The following ICE2 variants were observed in gnomAD, a reference collection of about 807,000 sequenced individuals.
The protein encoded by ICE2 is little elongation complex subunit 2.
Under a neutral mutation model 105.4 loss-of-function variants are expected in ICE2, and 87 were observed. That is an observed-to-expected ratio of 0.83 (90% confidence interval 0.69 to 0.99). The LOEUF (loss-of-function observed/expected upper bound fraction) is 0.99. ICE2 is among the 50% of genes least tolerant of loss of function. The pLI, the probability that ICE2 is intolerant of heterozygous loss-of-function variation, is 0.00. For missense variants in ICE2, 1,323 were observed against 1,146.7 expected (o/e 1.15, Z -2.22); for synonymous variants, 399 against 392.0 (o/e 1.02, Z -0.21).
intron 14 of ICE2, 26 bp from the exon 15 acceptor site, chr15:60,428,713 C>A: frequency 6.2e-7 from 1 of 1,603,260 alleles, no homozygotes; most frequent in Non-Finnish European, 8.5e-7. Context: ...GAAACTCAAC[C>A]CACTGGCTCA....
intron 5 of ICE2, among the ~76,000 whole-genome samples, chr15:60,462,520 A>T (rs1188997883): frequency 6.6e-6 from 1 of 152,192 alleles, no homozygotes; most frequent in Non-Finnish European, 1.5e-5. Context: ...GTACAAAATA[A>T]ATATATACAA....
intron 3 of ICE2, among the ~76,000 whole-genome samples, chr15:60,469,177 C>T (rs1440501965): frequency 1.3e-5 from 2 of 152,156 alleles, no homozygotes; most frequent in African/African-American, 4.8e-5. Context: ...GGCCATTATC[C>T]TCAGCAAACT....
intron 5 of ICE2, among the ~76,000 whole-genome samples, chr15:60,464,561 T>C (rs545712446): frequency 2.0e-5 from 3 of 151,286 alleles, no homozygotes; most frequent in African/African-American, 7.3e-5. Context: ...TTGAGAAAAA[T>C]AGAAACCCCA....
In ICE2 at chr15:60,419,613, T is replaced by A. The variant is rs115068908; in HGVS notation, c.*4021A>T. On this transcript the variant is annotated 3_prime_UTR_variant, in exon 16 of 16. Transcript: ENST00000261520. ...AGGGGACATGGCAACAGTAGATGGA[T>A]AAATGAAATGGATCCCCTTTATTTC... 3.8e-4 allele frequency: 58 copies of A among 152,354 alleles called. No individual in the cohort carries two copies. The highest frequency in any genetic ancestry group is 1.3e-3 in the African/African-American group (56 of 41,586). 9.4% of individuals were successfully genotyped at this position (152,354 alleles called of 1,614,324 possible). A position where few individuals can be genotyped will look rare whatever the true frequency, so the allele number is the denominator to read the frequency against.
chr15:60,467,376 C>T (rs1469412761), intron 4 of ICE2, among the ~76,000 whole-genome samples: 1 of 152,140 alleles, frequency 6.6e-6, no homozygotes, highest in Admixed American at 6.5e-5. Context: ...AAAATGCTTA[C>T]TGTCATTAGT....
chr15:60,476,083 T>C lies in ICE2; in HGVS notation c.126A>G (p.Glu42=), dbSNP rs754080831. 2 of 1,601,240 alleles carry C rather than the reference T, an allele frequency of 1.2e-6. No homozygotes were observed. The highest frequency in any genetic ancestry group is 1.1e-5 in the South Asian group (1 of 88,886). ...KDHSMAPSLK[E]LRVLSNRRIG... Reference sequence around the variant, plus strand: ...ATTACCTGTTGGATAAAACACGTAGTTCTTTTAAACTTGGAGCCATGGAAT... The same window carrying C: ...ATTACCTGTTGGATAAAACACGTAGCTCTTTTAAACTTGGAGCCATGGAAT... Residue 42 remains glutamate, a synonymous_variant, in exon 3 of 16, where the codon GAA becomes GAG. Coordinates refer to ENST00000261520, the MANE Select transcript of ICE2 (RefSeq NM_024611.6).
At chr15:60,431,830 A>G in intron 14 of ICE2, 104 bp downstream of exon 14, 7 of 608,830 alleles carry the variant, frequency 1.1e-5, no homozygotes, top group Non-Finnish European at 1.7e-5. Flanking sequence ...TTGCATTTCT[A>G]GGTTATTTTG....
intron 2 of ICE2, among the ~76,000 whole-genome samples, chr15:60,476,703 C>G (rs1439797929): frequency 6.6e-6 from 1 of 152,080 alleles, no homozygotes; most frequent in Admixed American, 6.6e-5. Flanking sequence ...TTTCATAACA[C>G]CATAATTAAT....
chr15:60,453,019 T>C, intron 9 of ICE2: 1 of 924,786 alleles, frequency 1.1e-6, no homozygotes, highest in Non-Finnish European at 1.3e-6. Flanking sequence ...TCACCTGAAG[T>C]CAGAAGTTTG....
intron 5 of ICE2, among the ~76,000 whole-genome samples, chr15:60,460,595 C>T (rs888932475): frequency 6.6e-6 from 1 of 152,174 alleles, no homozygotes; most frequent in Non-Finnish European, 1.5e-5. Context: ...AGTTTCTCAA[C>T]GTTGGCATTA....
intron 14 of ICE2, among the ~76,000 whole-genome samples, chr15:60,430,838 A>T (rs2063440763): frequency 1.3e-5 from 2 of 152,222 alleles, no homozygotes; most frequent in South Asian, 4.1e-4. Context: ...CCATATCCTA[A>T]GACTTGCCAT....
Position 60,454,985 on chromosome 15 carries a change from A to G in ICE2, c.943+18T>C, listed in dbSNP as rs2064064022. On this transcript the variant is annotated intron_variant, in intron 8 of 15. Transcript: ENST00000261520. ...TTCTCTTTTTTGAGAGCATTATTTG[A>G]CATAGCAAATTACAAACCTGCAACA... 2 of 1,528,826 alleles carry G rather than the reference A, an allele frequency of 1.3e-6. No individual in the cohort carries two copies. Among genetic ancestry groups the G allele is most frequent in the Admixed American group, 2.4e-5 (1 of 42,144 alleles). 94.7% of individuals were successfully genotyped at this position (1,528,826 alleles called of 1,614,324 possible). A position where few individuals can be genotyped will look rare whatever the true frequency, so the allele number is the denominator to read the frequency against.
At chr15:60,439,183 A>G (rs2063663656) in intron 12 of ICE2, 1 of 152,304 alleles carries the variant, frequency 6.6e-6, no homozygotes, top group South Asian at 2.1e-4. Context: ...TTACCTTTAA[A>G]ATTTTTATCA....
intron 3 of ICE2, among the ~76,000 whole-genome samples, chr15:60,469,456 C>A (rs2064523962): frequency 6.6e-6 from 1 of 151,706 alleles, no homozygotes; most frequent in Non-Finnish European, 1.5e-5. Context: ...TAAAAAAAAA[C>A]AAAAAACAAA....
At chr15:60,461,779 T>C (rs901839630) in intron 5 of ICE2, among the ~76,000 whole-genome samples, 3 of 152,176 alleles carry the variant, frequency 2.0e-5, no homozygotes, top group Non-Finnish European at 2.9e-5. Flanking sequence ...GGAGCATCCA[T>C]AGTGCCCAGA....
intron 12 of ICE2, chr15:60,441,456 G>A (rs2063718784): frequency 6.6e-6 from 1 of 152,152 alleles, no homozygotes; most frequent in South Asian, 2.1e-4. Context: ...ATCAAGCTAT[G>A]CAGTATAACA....
chr15:60,459,812 C>G (rs2064224173), intron 5 of ICE2, among the ~76,000 whole-genome samples: 1 of 151,756 alleles, frequency 6.6e-6, no homozygotes, highest in Non-Finnish European at 1.5e-5. Flanking sequence ...ACTAAGAGAA[C>G]AGAAAGTCGA....
chr15:60,423,522 G>T lies in ICE2; in HGVS notation c.*112C>A. 2 of 965,442 alleles carry T rather than the reference G, an allele frequency of 2.1e-6. No individual in the cohort carries two copies. Among genetic ancestry groups the T allele is most frequent in the Non-Finnish European group, 3.0e-6 (2 of 675,884 alleles). The allele number at this position is 965,442 out of a possible 1,614,324, so 59.8% of individuals were successfully genotyped here. A position where few individuals can be genotyped will look rare whatever the true frequency, so the allele number is the denominator to read the frequency against. The stretch of plus-strand genomic sequence containing the variant: ...CAACACATTTTTTCAAGGCACTCTA[G>T]CTACTACAGGAAAAATGTTCCTCTT... On this transcript the variant is annotated 3_prime_UTR_variant, in exon 16 of 16. Transcript: ENST00000261520.
chr15:60,448,013 A>G lies in ICE2; in HGVS notation c.2252T>C (p.Ile751Thr). The G allele has an allele frequency of 1.2e-6, 2 of 1,613,054 alleles. No homozygotes were observed. The highest frequency in any genetic ancestry group is 1.7e-6 in the Non-Finnish European group (2 of 1,179,706). ...LLLVRCSVQR[I>T]ETRPRSKKRK... ...TTTTTTAGAACGTGGTCTTGTCTCTATCCTCTGGACACTGCAGCGTACGAG... is the reference window on the plus strand; with the variant it reads ...TTTTTTAGAACGTGGTCTTGTCTCTGTCCTCTGGACACTGCAGCGTACGAG... Residue 751 changes from isoleucine (I) to threonine (T), a missense_variant, in exon 11 of 16, where the codon ATA (isoleucine) becomes ACA (threonine). Coordinates refer to ENST00000261520, the MANE Select transcript of ICE2 (RefSeq NM_024611.6).
Sources: allele counts gnomAD v4.1 joint callset (sites outside exome capture counted in the v4.1 genomes callset), GRCh38; gene constraint gnomAD v4.1.1; transcripts MANE v1.5; gene names NCBI Gene and HGNC (gene_info 2026-07-23, HGNC 2026-07-21).